Variants in DUXB observed in about 807,000 individuals in gnomAD.
The protein encoded by DUXB is double homeobox B.
Under a neutral mutation model 8.9 loss-of-function variants are expected in DUXB, and 22 were observed. The observed-to-expected ratio is 2.46, with a 90% CI of 1.76 to 3.52. The LOEUF (loss-of-function observed/expected upper bound fraction) is 3.52. Among genes scored for constraint, DUXB ranks in the 30% most tolerant of loss-of-function variants. DUXB has a pLI of 0.00. For synonymous variants in DUXB, 84 were observed against 37.6 expected (o/e 2.23, Z -4.52); for missense variants, 237 against 108.7 (o/e 2.18, Z -5.25).
chr16:75,694,730 T>TA (rs759619109), intron 4 of DUXB, among the ~76,000 whole-genome samples: 1 of 151,854 alleles, frequency 6.6e-6, no homozygotes, highest in Non-Finnish European at 1.5e-5. Context: ...GAAAACCCAA[T>TA]AAAAAAACAA....
At chr16:75,700,357 C>T (rs556975110) in intron 1 of DUXB, among the ~76,000 whole-genome samples, 188 bp from the exon 2 acceptor site, 8 of 152,154 alleles carry the variant, frequency 5.3e-5, no homozygotes, top group Admixed American at 3.3e-4. Flanking sequence ...CCTCAGCCTC[C>T]GGAATAGCTG....
rs2082611444 is a variant in DUXB at position 75,696,826 on chromosome 16, G to A, written c.286+12C>T. On this transcript the variant is annotated intron_variant, in intron 3 of 4. Transcript: ENST00000633875. The stretch of plus-strand genomic sequence containing the variant: ...CAACGTACTCTCAATGGGACCCATT[G>A]AGCATTCTTACCTTGAGTCAGATGC... 4 of 701,728 alleles carry A rather than the reference G, an allele frequency of 5.7e-6. No individual in the cohort carries two copies. Among genetic ancestry groups the A allele is most frequent in the Non-Finnish European group, 7.8e-6 (3 of 384,654 alleles). 43.5% of individuals were successfully genotyped at this position (701,728 alleles called of 1,614,324 possible).
Position 75,701,444 on chromosome 16 carries a change from G to T in DUXB, c.-26C>A, listed in dbSNP as rs183864899. On this transcript the variant is annotated 5_prime_UTR_variant, in exon 1 of 5. Coordinates refer to ENST00000633875, the MANE Select transcript of DUXB (RefSeq NM_001351307.2). ...CTTGGGCAGAAGACCTGGACTCCAC[G>T]GAGATCAGCGAGTAACTGAGCAGCT... is the stretch of plus-strand genomic sequence containing the variant. 19 of 398,574 alleles carry T rather than the reference G, an allele frequency of 4.8e-5. No homozygotes were observed. The highest frequency in any genetic ancestry group is 3.5e-4 in the African/African-American group (17 of 48,738). The allele number at this position is 398,574 out of a possible 1,614,324, so 24.7% of individuals were successfully genotyped here. A position where few individuals can be genotyped will look rare whatever the true frequency, so the allele number is the denominator to read the frequency against.
chr16:75,700,123 C>T lies in DUXB; in HGVS notation c.72G>A (p.Gln24=), dbSNP rs200893709. ...EFWRNRIQYN[Q]SQKDILQSWF... is the part of the protein sequence containing the mutation. ...ATGATTGGAGGATATCCTTTTGACT[C>T]TGGTTATACTGAATTCTGTTTCTCC... is the stretch of plus-strand genomic sequence containing the variant. The change falls in exon 2 of 5, where the codon CAG becomes CAA. Residue 24 remains glutamine, a synonymous_variant. Transcript: ENST00000633875. 271 of 702,702 alleles carry T rather than the reference C, an allele frequency of 3.9e-4. 1 individual carries two copies. Among genetic ancestry groups the T allele is most frequent in the East Asian group, 3.6e-3 (136 of 37,270 alleles). The allele number at this position is 702,702 out of a possible 1,614,324, so 43.5% of individuals were successfully genotyped here. A position where few individuals can be genotyped will look rare whatever the true frequency, so the allele number is the denominator to read the frequency against.
chr16:75,696,908 T>A lies in DUXB; in HGVS notation c.216A>T (p.Lys72Asn), dbSNP rs752092431. 1.6e-5 allele frequency: 11 copies of A among 702,848 alleles called. No homozygotes were observed. The highest frequency in any genetic ancestry group is 1.5e-4 in the South Asian group (10 of 67,588). The allele number at this position is 702,848 out of a possible 1,614,324, so 43.5% of individuals were successfully genotyped here. A position where few individuals can be genotyped will look rare whatever the true frequency, so the allele number is the denominator to read the frequency against. Residue 72 changes from lysine to asparagine, a missense_variant, in exon 3 of 5, where the codon AAA (lysine) becomes AAT (asparagine). Lys to Asn is a moderately conservative substitution (Grantham distance 94). Coordinates refer to ENST00000633875, the MANE Select transcript of DUXB (RefSeq NM_001351307.2). The stretch of plus-strand genomic sequence containing the variant: ...TTTCTGAGAAGCACTTATAATCCAG[T>A]TTTCTCTGTTTTACTCTGTAATTTT... ...WFKNYRVKQRKLDYKCFSEKD... is the reference protein window; with the variant it reads ...WFKNYRVKQRNLDYKCFSEKD...
intron 2 of DUXB, among the ~76,000 whole-genome samples, chr16:75,699,764 T>C (rs1959200563): frequency 1.3e-5 from 2 of 152,162 alleles, no homozygotes; most frequent in Admixed American, 1.3e-4. Context: ...GGTTTCACCA[T>C]GTTAGCCAGG....
intron 2 of DUXB, among the ~76,000 whole-genome samples, 165 bp downstream of exon 2, chr16:75,699,850 C>T (rs1411715131): frequency 2.0e-5 from 3 of 152,150 alleles, no homozygotes; most frequent in East Asian, 1.9e-4. Context: ...CGTGAGCCAC[C>T]GCGCCCAGCC....
rs961946328 is a variant in DUXB at position 75,694,422 on chromosome 16, C to T, written c.545G>A (p.Gly182Glu). 7 of 700,626 alleles carry T rather than the reference C, an allele frequency of 1.0e-5. No individual in the cohort carries two copies. Among genetic ancestry groups the T allele is most frequent in the Non-Finnish European group, 1.0e-5 (4 of 384,260 alleles). The allele number at this position is 700,626 out of a possible 1,614,324, so 43.4% of individuals were successfully genotyped here. ...GAGGAACAGGTTGATTGGATGCCAC[C>T]CAACAGTTGCATCTGGTCTCTCATT... is the stretch of plus-strand genomic sequence containing the variant. ...DPNERPDATV[G>E]WHPINLFLPT... The change falls in exon 5 of 5, where the codon GGG (glycine) becomes GAG (glutamate). Residue 182 changes from glycine to glutamate, a missense_variant. By Grantham distance (98) the Gly-to-Glu change is moderately conservative. Transcript: ENST00000633875.
At chr16:75,698,019 T>C (rs920579895) in intron 2 of DUXB, among the ~76,000 whole-genome samples, 1 of 152,198 alleles carries the variant, frequency 6.6e-6, no homozygotes, top group Admixed American at 6.5e-5. Context: ...TGGTCTCTGG[T>C]ACCAAAAAAA....
chr16:75,695,798 C>A (rs2082601064), intron 4 of DUXB, 163 bp downstream of exon 4: 2 of 594,778 alleles, frequency 3.4e-6, no homozygotes, highest in Non-Finnish European at 3.0e-6. Flanking sequence ...TTTGAAAATT[C>A]TTCCTTGACA....
intron 2 of DUXB, chr16:75,698,405 G>T (rs1437722539): frequency 6.6e-6 from 1 of 152,170 alleles, no homozygotes. Context: ...CTATACATAT[G>T]ATGCAAAACC....
In DUXB at chr16:75,700,026, A is replaced by G. The variant is rs745563549; in HGVS notation, c.169T>C (p.Ser57Pro). Residue 57 changes from serine to proline, a missense_variant, in exon 2 of 5, where the codon TCT becomes CCT. Transcript: ENST00000633875. ...QLAKEIGVPE[S>P]NIQVWFKNYR... ...AATCTAATGCCTACCTGAATATTAGATTCTGGAACCCCAATTTCTTTGGCC... is the reference window on the plus strand; with the variant it reads ...AATCTAATGCCTACCTGAATATTAGGTTCTGGAACCCCAATTTCTTTGGCC... 1.4e-6 allele frequency: 1 copy of G among 699,632 alleles called. No homozygotes were observed. The highest frequency in any genetic ancestry group is 1.5e-5 in the South Asian group (1 of 66,536). 43.3% of individuals were successfully genotyped at this position (699,632 alleles called of 1,614,324 possible). A position where few individuals can be genotyped will look rare whatever the true frequency, so the allele number is the denominator to read the frequency against.
chr16:75,699,934 G>A (rs549345906), intron 2 of DUXB, 81 bp downstream of exon 2: 16 of 578,562 alleles, frequency 2.8e-5, no homozygotes, highest in Non-Finnish European at 4.9e-5. Flanking sequence ...CCTGATATAA[G>A]AGAATTGGCA....
chr16:75,699,984 A>G, intron 2 of DUXB, 31 bp downstream of exon 2: 1 of 676,954 alleles, frequency 1.5e-6, no homozygotes, highest in Non-Finnish European at 2.7e-6. Flanking sequence ...CATGGTTCTG[A>G]CAGGTAATGA....
At chr16:75,698,851 C>G (rs566194543) in intron 2 of DUXB, 7 of 152,034 alleles carry the variant, frequency 4.6e-5, no homozygotes, top group Admixed American at 2.0e-4. Flanking sequence ...CAGATAACTT[C>G]TTTTTTTTGG....
At chr16:75,700,269 C>T in intron 1 of DUXB, 100 bp from the exon 2 acceptor site, 1 of 581,438 alleles carries the variant, frequency 1.7e-6, no homozygotes, top group East Asian at 2.9e-5. Context: ...GAGTCTCACT[C>T]TGTCGCCCAG....
At position 75,696,863 on chromosome 16, in the gene DUXB, A is replaced by G; in HGVS notation, c.261T>C (p.His87=). The G allele has an allele frequency of 1.4e-6, 1 of 702,984 alleles. No individual in the cohort carries two copies. Among genetic ancestry groups the G allele is most frequent in the Non-Finnish European group, 2.6e-6 (1 of 385,010 alleles). The allele number at this position is 702,984 out of a possible 1,614,324, so 43.5% of individuals were successfully genotyped here. Reference sequence around the variant, plus strand: ...CTTGAGTCAGATGCTGGGACTGGTCATGCCCCTGGGTTTGATCTTTTTCTG... The same window carrying G: ...CTTGAGTCAGATGCTGGGACTGGTCGTGCCCCTGGGTTTGATCTTTTTCTG... ...CFSEKDQTQG[H]DQSQHLTQEY... Residue 87 remains histidine (H), a synonymous_variant, in exon 3 of 5, where the codon CAT becomes CAC. Coordinates refer to ENST00000633875, the MANE Select transcript of DUXB (RefSeq NM_001351307.2).
At chr16:75,695,917 T>G in intron 4 of DUXB, 44 bp downstream of exon 4, 1 of 701,262 alleles carries the variant, frequency 1.4e-6, no homozygotes, top group East Asian at 2.7e-5. Context: ...CAGGGGGCAG[T>G]ATCACAGGCA....
Position 75,701,440 on chromosome 16 carries a change from C to CTA in DUXB, c.-23_-22insTA. 7.5e-6 allele frequency: 3 copies of CTA among 398,612 alleles called. No individual in the cohort carries two copies. Among genetic ancestry groups the CTA allele is most frequent in the Non-Finnish European group, 1.3e-5 (3 of 226,074 alleles). 24.7% of individuals were successfully genotyped at this position (398,612 alleles called of 1,614,324 possible). A position where few individuals can be genotyped will look rare whatever the true frequency, so the allele number is the denominator to read the frequency against. On this transcript the variant is annotated 5_prime_UTR_variant, in exon 1 of 5. Coordinates refer to ENST00000633875, the MANE Select transcript of DUXB (RefSeq NM_001351307.2). ...TCATCTTGGGCAGAAGACCTGGACTCCACGGAGATCAGCGAGTAACTGAGC... is the reference window on the plus strand; with the variant it reads ...TCATCTTGGGCAGAAGACCTGGACTCTACACGGAGATCAGCGAGTAACTGAGC...
Sources: allele counts gnomAD v4.1 joint callset (sites outside exome capture counted in the v4.1 genomes callset), GRCh38; gene constraint gnomAD v4.1.1; transcripts MANE v1.5; gene names NCBI Gene and HGNC (gene_info 2026-07-23, HGNC 2026-07-21).